MSRA: variants seen among roughly 807,000 people sequenced by gnomAD.
MSRA encodes the protein mitochondrial peptide methionine sulfoxide reductase.
A neutral mutation model predicts 31.3 loss-of-function variants in MSRA; 54 were observed. That is an observed-to-expected ratio of 1.73 (90% confidence interval 1.39 to 2.17). The LOEUF (loss-of-function observed/expected upper bound fraction) is 2.17, where lower values mean the gene tolerates loss of function less well. Ranked by LOEUF, MSRA falls within the 30% of genes most tolerant of loss-of-function variation. MSRA has a pLI of 0.00. For missense variants in MSRA, 507 were observed against 300.9 expected, an observed-to-expected ratio of 1.69 and a Z score of -5.07; for synonymous variants, 169 against 116.5, an observed-to-expected ratio of 1.45 and a Z score of -2.90.
chr8:10,318,882 G>C (rs1259598552), intron 4 of MSRA, among the ~76,000 whole-genome samples: 2 of 152,152 alleles, frequency 1.3e-5, no homozygotes, highest in Admixed American at 6.5e-5. Flanking sequence ...GGTTACAGCT[G>C]CTTTTGCAAG....
intron 1 of MSRA, among the ~76,000 whole-genome samples, chr8:10,135,307 C>T (rs763141700): frequency 9.9e-5 from 15 of 152,250 alleles, no homozygotes; most frequent in South Asian, 2.1e-4. Flanking sequence ...GTGTTTTTGC[C>T]GTTGAAACCT....
intron 3 of MSRA, among the ~76,000 whole-genome samples, chr8:10,256,869 C>T (rs1798211070): frequency 2.0e-5 from 3 of 152,192 alleles, no homozygotes; most frequent in Admixed American, 2.0e-4. Flanking sequence ...TGGGCTTCAT[C>T]TCCTGCCCTC....
intron 1 of MSRA, among the ~76,000 whole-genome samples, chr8:10,134,670 G>T (rs1802141968): frequency 1.3e-5 from 2 of 152,228 alleles, no homozygotes; most frequent in Non-Finnish European, 2.9e-5. Flanking sequence ...GAACTCGGAA[G>T]CCTGGTGGTG....
At chr8:10,088,532 C>G (rs551458133) in intron 1 of MSRA, among the ~76,000 whole-genome samples, 34 of 152,166 alleles carry the variant, frequency 2.2e-4, no homozygotes, top group African/African-American at 7.7e-4. Context: ...GTCAGGAGTT[C>G]GAGACCAGCC....
At chr8:10,341,571 T>C (rs1803429209) in intron 5 of MSRA, among the ~76,000 whole-genome samples, 1 of 152,180 alleles carries the variant, frequency 6.6e-6, no homozygotes, top group Non-Finnish European at 1.5e-5. Context: ...CTCTAAGTGA[T>C]TTTCATACAG....
chr8:10,385,938 G>C (rs1389640528), intron 5 of MSRA, among the ~76,000 whole-genome samples: 1 of 152,110 alleles, frequency 6.6e-6, no homozygotes, highest in African/African-American at 2.4e-5. Context: ...CGCGATCACA[G>C]ACACCAGGAA....
chr8:10,225,103 C>T (rs960333937), intron 2 of MSRA, among the ~76,000 whole-genome samples: 2 of 152,206 alleles, frequency 1.3e-5, no homozygotes, highest in Non-Finnish European at 2.9e-5. Flanking sequence ...CATCACTGCA[C>T]TCCAACCTGG....
At chr8:10,230,873 C>G (rs1295314745) in intron 2 of MSRA, among the ~76,000 whole-genome samples, 1 of 152,178 alleles carries the variant, frequency 6.6e-6, no homozygotes, top group Non-Finnish European at 1.5e-5. Flanking sequence ...CAACCTCCGC[C>G]TCCCAGGTTC....
intron 4 of MSRA, among the ~76,000 whole-genome samples, chr8:10,311,210 C>T (rs1464570310): frequency 1.3e-5 from 2 of 152,154 alleles, no homozygotes; most frequent in Admixed American, 6.5e-5. Context: ...AAAGCAGCTC[C>T]AAATGTTGAA....
intron 5 of MSRA, among the ~76,000 whole-genome samples, chr8:10,391,464 C>G (rs911227353): frequency 6.6e-6 from 1 of 152,200 alleles, no homozygotes; most frequent in African/African-American, 2.4e-5. Flanking sequence ...CTGTGGCATT[C>G]TCTGATTGAA....
intron 4 of MSRA, among the ~76,000 whole-genome samples, chr8:10,307,990 G>A (rs1801231568): frequency 6.6e-6 from 1 of 152,176 alleles, no homozygotes; most frequent in African/African-American, 2.4e-5. Context: ...AGAGGAAGGG[G>A]CATTCTCTTC....
intron 5 of MSRA, among the ~76,000 whole-genome samples, chr8:10,403,207 AC>A (rs1454355414): frequency 2.0e-5 from 3 of 152,184 alleles, no homozygotes; most frequent in African/African-American, 7.2e-5. Flanking sequence ...GAAACTTGGC[AC>A]CTGAGACTAA....
chr8:10,421,282 C>G (rs955173369), intron 5 of MSRA, among the ~76,000 whole-genome samples: 2 of 152,280 alleles, frequency 1.3e-5, no homozygotes, highest in Admixed American at 6.5e-5. Flanking sequence ...CTTCCCTGTC[C>G]TCAGCTGAGA....
chr8:10,263,656 A>G (rs866950387), intron 3 of MSRA, among the ~76,000 whole-genome samples: 16 of 152,064 alleles, frequency 1.1e-4, no homozygotes, highest in Non-Finnish European at 5.9e-5. Flanking sequence ...TGGCCCCTTG[A>G]GGCTTCGTGC....
chr8:10,143,608 T>C (rs1159286254), intron 1 of MSRA, among the ~76,000 whole-genome samples: 1 of 152,190 alleles, frequency 6.6e-6, no homozygotes, highest in East Asian at 1.9e-4. Context: ...TTTTCCCCGT[T>C]ACCAGAAGCA....
chr8:10,089,700 T>C (rs769390014), intron 1 of MSRA, among the ~76,000 whole-genome samples: 4 of 152,180 alleles, frequency 2.6e-5, no homozygotes, highest in Non-Finnish European at 4.4e-5. Context: ...TCTGCTGGCC[T>C]CCGGTGAGGA....
intron 1 of MSRA, among the ~76,000 whole-genome samples, chr8:10,116,180 C>T (rs1282692880): frequency 6.6e-6 from 1 of 152,226 alleles, no homozygotes; most frequent in African/African-American, 2.4e-5. Flanking sequence ...GCTTGTCCAA[C>T]CCGTGGGCCA....
At chr8:10,303,436 C>G (rs1352171536) in intron 4 of MSRA, among the ~76,000 whole-genome samples, 2 of 152,152 alleles carry the variant, frequency 1.3e-5, no homozygotes, top group African/African-American at 4.8e-5. Flanking sequence ...ATCATTTGGC[C>G]TTCTATGGGC....
At chr8:10,148,218 A>T (rs1803327795) in intron 1 of MSRA, among the ~76,000 whole-genome samples, 1 of 152,218 alleles carries the variant, frequency 6.6e-6, no homozygotes, top group African/African-American at 2.4e-5. Flanking sequence ...TTCTTAACTA[A>T]TGTGATCCAT....
Sources: allele counts gnomAD v4.1 joint callset (sites outside exome capture counted in the v4.1 genomes callset), GRCh38; gene constraint gnomAD v4.1.1; transcripts MANE v1.5; gene names NCBI Gene and HGNC (gene_info 2026-07-23, HGNC 2026-07-21).